Variants in ETFRF1 observed in about 807,000 individuals in gnomAD.
ETFRF1 encodes LYR motif containing 5.
In ETFRF1, 12 loss-of-function variants were observed where a neutral mutation model predicts 9.0. That is an observed-to-expected ratio of 1.34 (90% CI 0.86 to 2.16). The LOEUF (loss-of-function observed/expected upper bound fraction) is 2.16. Ranked by LOEUF, ETFRF1 falls within the 30% of genes most tolerant of loss-of-function variation. ETFRF1 has a pLI of 0.00. For synonymous variants in ETFRF1, 34 were observed against 33.2 expected, an observed-to-expected ratio of 1.02 and a Z score of -0.08; for missense variants, 98 against 101.8, an observed-to-expected ratio of 0.96 and a Z score of 0.16.
At chr12:25,195,754 T>C (rs1312871799) in intron 1 of ETFRF1, 1 of 152,678 alleles carries the variant, frequency 6.5e-6, no homozygotes, top group Non-Finnish European at 1.5e-5. Context: ...GAATTGAAAA[T>C]GAAGCAATTC....
Position 25,195,301 on chromosome 12 carries a change from A to G in ETFRF1, c.-74A>G. 1.6e-6 allele frequency: 1 copy of G among 613,888 alleles called. No homozygotes were observed. The highest frequency in any genetic ancestry group is 2.9e-6 in the Non-Finnish European group (1 of 345,294). The allele number at this position is 613,888 out of a possible 1,614,324, so 38.0% of individuals were successfully genotyped here. A position where few individuals can be genotyped will look rare whatever the true frequency, so the allele number is the denominator to read the frequency against. ...CGCAGTAGACGGACAGAGGAGTCGT[A>G]GCGGTCGAGGCTTTTGCGGCTCCGG... On this transcript the variant is annotated 5_prime_UTR_variant, in exon 1 of 3. Transcript: ENST00000381356.
chr12:25,195,261 A>G lies in ETFRF1; in HGVS notation c.-114A>G, dbSNP rs1231929003. On this transcript the variant is annotated 5_prime_UTR_variant, in exon 1 of 3. Coordinates refer to ENST00000381356, the MANE Select transcript of ETFRF1 (RefSeq NM_001001660.3). ...TACTGACAGGTTGCCCACCTCCCCCAACGCCACCCCGCTTCGCAGTAGACG... is the reference window on the plus strand; with the variant it reads ...TACTGACAGGTTGCCCACCTCCCCCGACGCCACCCCGCTTCGCAGTAGACG... 1.5e-6 allele frequency: 1 copy of G among 661,236 alleles called. No individual in the cohort carries two copies. The highest frequency in any genetic ancestry group is 2.7e-6 in the Non-Finnish European group (1 of 369,608). 41.0% of individuals were successfully genotyped at this position (661,236 alleles called of 1,614,324 possible).
Position 25,195,265 on chromosome 12 carries a change from C to T in ETFRF1, c.-110C>T. The T allele has an allele frequency of 1.5e-6, 1 of 661,420 alleles. No individual in the cohort carries two copies. The highest frequency in any genetic ancestry group is 2.3e-5 in the Admixed American group (1 of 43,806). 41.0% of individuals were successfully genotyped at this position (661,420 alleles called of 1,614,324 possible). ...GACAGGTTGCCCACCTCCCCCAACG[C>T]CACCCCGCTTCGCAGTAGACGGACA... On this transcript the variant is annotated 5_prime_UTR_variant, in exon 1 of 3. Transcript: ENST00000381356.
intron 1 of ETFRF1, among the ~76,000 whole-genome samples, chr12:25,201,996 G>A (rs981295290): frequency 2.0e-5 from 3 of 146,344 alleles, no homozygotes; most frequent in Admixed American, 7.2e-5. Context: ...CAAGGTGGGT[G>A]GATCACAAGG....
intron 1 of ETFRF1, among the ~76,000 whole-genome samples, chr12:25,201,971 A>G (rs1481443683): frequency 1.3e-5 from 2 of 149,928 alleles, no homozygotes; most frequent in South Asian, 4.2e-4. Context: ...CTGTAATCCC[A>G]GCACTTTGGG....
Position 25,204,184 on chromosome 12 carries a change from C to T in ETFRF1, c.145C>T (p.Pro49Ser). ...IFLKNKDVKNPEKIKELIAQG... is the reference protein window; with the variant it reads ...IFLKNKDVKNSEKIKELIAQG... Reference sequence around the variant, plus strand: ...CCTTAAAAACAAAGATGTGAAGAATCCAGAGAAGATCAAAGAACTTATTGC... The same window carrying T: ...CCTTAAAAACAAAGATGTGAAGAATTCAGAGAAGATCAAAGAACTTATTGC... The change falls in exon 3 of 3, where the codon CCA (proline) becomes TCA (serine). Residue 49 changes from proline to serine, a missense_variant. Physicochemically the swap from Pro to Ser is moderately conservative, Grantham distance 74. Coordinates refer to ENST00000381356, the MANE Select transcript of ETFRF1 (RefSeq NM_001001660.3). The T allele has an allele frequency of 6.2e-7, 1 of 1,613,230 alleles. No homozygotes were observed. Among genetic ancestry groups the T allele is most frequent in the Non-Finnish European group, 8.5e-7 (1 of 1,179,604 alleles).
intron 1 of ETFRF1, chr12:25,203,706 TTGCTTA>T (rs1166281469): frequency 2.9e-6 from 1 of 346,030 alleles, no homozygotes. Flanking sequence ...ACAATTGTCT[TTGCTTA>T]TGTCTCCCAT....
chr12:25,204,317 T>A lies in ETFRF1; in HGVS notation c.*5T>A, dbSNP rs764776333. 5 of 1,553,050 alleles carry A rather than the reference T, an allele frequency of 3.2e-6. No individual in the cohort carries two copies. Among genetic ancestry groups the A allele is most frequent in the Non-Finnish European group, 3.5e-6 (4 of 1,155,636 alleles). On this transcript the variant is annotated 3_prime_UTR_variant, in exon 3 of 3. Coordinates refer to ENST00000381356, the MANE Select transcript of ETFRF1 (RefSeq NM_001001660.3). ...GATACCAACAAAACTAATTGATCAT[T>A]ACTACTTTAATTTAGCTATCAGTGC...
chr12:25,195,364 T>G (rs1252518146), intron 1 of ETFRF1, 27 bp downstream of exon 1: 2 of 587,394 alleles, frequency 3.4e-6, no homozygotes, highest in African/African-American at 3.7e-5. Context: ...GCCGGGGAGT[T>G]TTGTTCCATT....
At chr12:25,199,161 T>C (rs1489825923) in intron 1 of ETFRF1, among the ~76,000 whole-genome samples, 1 of 150,928 alleles carries the variant, frequency 6.6e-6, no homozygotes, top group Non-Finnish European at 1.5e-5. Context: ...TATGCATATT[T>C]ATAGATATAT....
chr12:25,198,902 A>G (rs1193919812), intron 1 of ETFRF1, among the ~76,000 whole-genome samples: 3 of 152,138 alleles, frequency 2.0e-5, no homozygotes, highest in Admixed American at 6.5e-5. Context: ...CCAGAGAGGC[A>G]TACCCCAAGT....
Position 25,203,730 on chromosome 12 carries a change from C to T in ETFRF1, c.-37-190C>T, listed in dbSNP as rs1951096837. 8 of 370,746 alleles carry T rather than the reference C, an allele frequency of 2.2e-5. No individual in the cohort carries two copies. The East Asian group carries it at 2.6e-4, about 12-fold the overall frequency. 23.0% of individuals were successfully genotyped at this position (370,746 alleles called of 1,614,324 possible). ...TTTGCTTATGTCTCCCATAGGAAAACGTCAATTATGACAGCAGGTAATTTT... is the reference window on the plus strand; with the variant it reads ...TTTGCTTATGTCTCCCATAGGAAAATGTCAATTATGACAGCAGGTAATTTT... On this transcript the variant is annotated intron_variant, in intron 1 of 2. Transcript: ENST00000381356.
In ETFRF1 at chr12:25,204,379, C is replaced by CTAACT. The variant is rs1420095779; in HGVS notation, c.*71_*75dup. 7.7e-7 allele frequency: 1 copy of CTAACT among 1,302,490 alleles called. No individual in the cohort carries two copies. Among genetic ancestry groups the CTAACT allele is most frequent in the African/African-American group, 1.5e-5 (1 of 66,858 alleles). The allele number at this position is 1,302,490 out of a possible 1,614,324, so 80.7% of individuals were successfully genotyped here. Reference sequence around the variant, plus strand: ...GTATACCAGATGTTGTAAAATAATTCTAACTTAAAATGGGAAGATATACAT... The same window carrying CTAACT: ...GTATACCAGATGTTGTAAAATAATTCTAACTTAACTTAAAATGGGAAGATATACAT... On this transcript the variant is annotated 3_prime_UTR_variant, in exon 3 of 3. Transcript: ENST00000381356.
At chr12:25,198,094 A>ATGTGTT (rs1951045071) in intron 1 of ETFRF1, among the ~76,000 whole-genome samples, 1 of 152,180 alleles carries the variant, frequency 6.6e-6, no homozygotes, top group Non-Finnish European at 1.5e-5. Context: ...AGTGGACTAC[A>ATGTGTT]TGAAAGCTAT....
intron 1 of ETFRF1, chr12:25,203,687 CTCACAA>C: frequency 3.2e-6 from 1 of 313,932 alleles, no homozygotes. Context: ...CATGTGACTT[CTCACAA>C]TCACAATTGT....
chr12:25,197,285 A>G (rs1423494208), intron 1 of ETFRF1, among the ~76,000 whole-genome samples: 5 of 152,250 alleles, frequency 3.3e-5, no homozygotes, highest in Non-Finnish European at 7.3e-5. Context: ...TAAAAAGACC[A>G]ACAACTAAAA....
intron 1 of ETFRF1, among the ~76,000 whole-genome samples, chr12:25,199,924 A>G (rs1951061779): frequency 6.6e-6 from 1 of 152,148 alleles, no homozygotes; most frequent in African/African-American, 2.4e-5. Flanking sequence ...ACAACTAAAT[A>G]AAAGGCTGGG....
At chr12:25,199,574 T>C (rs1028391842) in intron 1 of ETFRF1, among the ~76,000 whole-genome samples, 3 of 150,340 alleles carry the variant, frequency 2.0e-5, no homozygotes, top group African/African-American at 7.3e-5. Flanking sequence ...CTATATAGTA[T>C]CTATACTAAT....
Position 25,204,192 on chromosome 12 carries a change from G to A in ETFRF1, c.153G>A (p.Lys51=). The part of the protein sequence containing the change: ...LKNKDVKNPE[K]IKELIAQGEF... ...ACAAAGATGTGAAGAATCCAGAGAA[G>A]ATCAAAGAACTTATTGCACAGGGCG... Residue 51 remains lysine, a synonymous_variant, in exon 3 of 3, where the codon AAG becomes AAA. Coordinates refer to ENST00000381356, the MANE Select transcript of ETFRF1 (RefSeq NM_001001660.3). 6.2e-7 allele frequency: 1 copy of A among 1,613,190 alleles called. No homozygotes were observed. The highest frequency in any genetic ancestry group is 1.1e-5 in the South Asian group (1 of 90,922).
Sources: gnomAD v4.1 joint callset for allele counts (sites outside exome capture counted in the v4.1 genomes callset) on GRCh38, gnomAD v4.1.1 for gene constraint, MANE v1.5 for transcripts, NCBI Gene and HGNC (gene_info 2026-07-23, HGNC 2026-07-21) for gene names.